BBS9: variants seen among roughly 807,000 people sequenced by gnomAD.
BBS9 encodes Bardet-Biedl syndrome 9.
In BBS9, 89 loss-of-function variants were observed where a neutral mutation model predicts 117.7. That is an observed-to-expected ratio of 0.76 (90% confidence interval 0.64 to 0.90). The LOEUF (loss-of-function observed/expected upper bound fraction) is 0.90, where lower values mean the gene tolerates loss of function less well. Ranked by LOEUF, BBS9 falls within the 40% of genes least tolerant of loss-of-function variation. The pLI, the probability that BBS9 is intolerant of heterozygous loss-of-function variation, is 0.00. For synonymous variants in BBS9, 379 were observed against 370.9 expected (o/e 1.02, Z -0.25); for missense variants, 982 against 1,042.2 (o/e 0.94, Z 0.80).
intron 19 of BBS9, among the ~76,000 whole-genome samples, chr7:33,416,222 C>T (rs7805192): frequency 0.61 from 91,852 of 150,680 alleles, 28,291 homozygotes; most frequent in African/African-American, 0.69. Flanking sequence ...AATCAGTAGC[C>T]CTGGCCATAC....
chr7:33,218,807 G>C (rs1039873621), intron 5 of BBS9, among the ~76,000 whole-genome samples: 1 of 152,274 alleles, frequency 6.6e-6, no homozygotes, highest in Non-Finnish European at 1.5e-5. Context: ...AGGTGACAGC[G>C]TGCTGGCAGC....
In BBS9 at chr7:33,302,493, A is replaced by G. The variant is rs151329310; in HGVS notation, c.1016+28537A>G. ...AGGGGTCTAGTTTCATTTTTTGCAT[A>G]CGGATATCTAGGTTTCTCAGCATTA... is the stretch of plus-strand genomic sequence containing the variant. On this transcript the variant is annotated intron_variant, in intron 9 of 22. Coordinates refer to ENST00000242067, the MANE Select transcript of BBS9 (RefSeq NM_198428.3). 8.5e-5 allele frequency among the ~76,000 whole-genome samples: 13 copies of G among 152,072 alleles called. No individual in the cohort carries two copies. The East Asian group carries it at 2.3e-3, about 27-fold the overall frequency.
In BBS9 at chr7:33,306,915, T is replaced by A. The variant is rs145703979; in HGVS notation, c.1017-29526T>A. ...AGAATAAAATATCTTGGCAAATAAT[T>A]GAAGTAACACATTCTATAAGCAATC... On this transcript the variant is annotated intron_variant, in intron 9 of 22. Transcript: ENST00000242067. 2.0e-3 allele frequency among the ~76,000 whole-genome samples: 310 copies of A among 152,256 alleles called. 1 individual carries two copies. The highest frequency in any genetic ancestry group is 6.6e-3 in the African/African-American group (275 of 41,574).
At chr7:33,619,923 T>G (rs1321248343) in intron 21 of BBS9, among the ~76,000 whole-genome samples, 1 of 152,004 alleles carries the variant, frequency 6.6e-6, no homozygotes, top group African/African-American at 2.4e-5. Flanking sequence ...ATAAATAACC[T>G]AGTGTTACAC....
chr7:33,358,095 T>G, intron 16 of BBS9, 100 bp downstream of exon 16: 1 of 1,457,496 alleles, frequency 6.9e-7, no homozygotes, highest in Non-Finnish European at 9.5e-7. Flanking sequence ...TATCAGATAA[T>G]TGTTAAGTAA....
At chr7:33,396,500 T>C (rs1827999777) in intron 19 of BBS9, among the ~76,000 whole-genome samples, 1 of 152,150 alleles carries the variant, frequency 6.6e-6, no homozygotes, top group South Asian at 2.1e-4. Context: ...ACTTTACATT[T>C]TTATGCAATT....
At chr7:33,582,632 T>C (rs1860169896) in intron 21 of BBS9, among the ~76,000 whole-genome samples, 1 of 152,128 alleles carries the variant, frequency 6.6e-6, no homozygotes, top group Non-Finnish European at 1.5e-5. Context: ...GTTCTATTTC[T>C]ACTCACTTGA....
chr7:33,287,361 A>C (rs1487570226), intron 9 of BBS9, among the ~76,000 whole-genome samples: 1 of 152,194 alleles, frequency 6.6e-6, no homozygotes, highest in African/African-American at 2.4e-5. Context: ...TTAAGAAAAA[A>C]GATTTAGGAG....
chr7:33,237,983 T>A (rs766240882), intron 5 of BBS9, among the ~76,000 whole-genome samples: 2 of 152,184 alleles, frequency 1.3e-5, no homozygotes, highest in Non-Finnish European at 2.9e-5. Context: ...TCCCTCATCC[T>A]CAAGAATAGA....
intron 15 of BBS9, among the ~76,000 whole-genome samples, chr7:33,354,278 C>A (rs1819232897): frequency 6.6e-6 from 1 of 152,144 alleles, no homozygotes; most frequent in Non-Finnish European, 1.5e-5. Flanking sequence ...CACAAGGCTT[C>A]ATATTTCAAA....
At chr7:33,153,157 A>ATTT (rs1793613868) in intron 3 of BBS9, among the ~76,000 whole-genome samples, 2 of 152,220 alleles carry the variant, frequency 1.3e-5, no homozygotes, top group Non-Finnish European at 2.9e-5. Context: ...CTACTTATTT[A>ATTT]AAGTTATATA....
At chr7:33,501,816 A>G (rs1845488269) in intron 19 of BBS9, among the ~76,000 whole-genome samples, 1 of 152,224 alleles carries the variant, frequency 6.6e-6, no homozygotes, top group African/African-American at 2.4e-5. Flanking sequence ...AGTTAAGTGA[A>G]TGCTTTCACT....
At chr7:33,477,614 C>T (rs899673543) in intron 19 of BBS9, among the ~76,000 whole-genome samples, 3 of 152,186 alleles carry the variant, frequency 2.0e-5, no homozygotes, top group Admixed American at 6.5e-5. Flanking sequence ...CAAGTACTGG[C>T]TCAGCTAGAA....
intron 9 of BBS9, among the ~76,000 whole-genome samples, chr7:33,311,129 T>C (rs1426304845): frequency 6.6e-6 from 1 of 152,144 alleles, no homozygotes; most frequent in African/African-American, 2.4e-5. Flanking sequence ...CAAAGATCCT[T>C]TCTAAGAAGA....
chr7:33,167,147 C>T (rs924000740), intron 4 of BBS9, among the ~76,000 whole-genome samples: 9 of 152,220 alleles, frequency 5.9e-5, no homozygotes, highest in African/African-American at 2.2e-4. Flanking sequence ...TGAGTCCATG[C>T]TTAATGTTGG....
At chr7:33,291,092 C>G (rs886078544) in intron 9 of BBS9, among the ~76,000 whole-genome samples, 1 of 151,988 alleles carries the variant, frequency 6.6e-6, no homozygotes, top group African/African-American at 2.4e-5. Context: ...TTATTTGTGC[C>G]TGCCTCACAG....
At chr7:33,627,370 C>T (rs1382866771) in intron 21 of BBS9, among the ~76,000 whole-genome samples, 2 of 152,228 alleles carry the variant, frequency 1.3e-5, no homozygotes, top group Non-Finnish European at 2.9e-5. Flanking sequence ...AAGTCTGCTG[C>T]AGGGGCAGAG....
chr7:33,341,397 T>A (rs1816522996), intron 11 of BBS9, among the ~76,000 whole-genome samples: 1 of 152,118 alleles, frequency 6.6e-6, no homozygotes, highest in Non-Finnish European at 1.5e-5. Context: ...TGATTTCTAG[T>A]CTTTAATACA....
At chr7:33,420,204 G>T (rs984948144) in intron 19 of BBS9, among the ~76,000 whole-genome samples, 1 of 152,126 alleles carries the variant, frequency 6.6e-6, no homozygotes, top group Admixed American at 6.6e-5. Flanking sequence ...GCAGATTATT[G>T]AAGTGCTCTG....
Sources: gnomAD v4.1 joint callset for allele counts (sites outside exome capture counted in the v4.1 genomes callset) on GRCh38, gnomAD v4.1.1 for gene constraint, MANE v1.5 for transcripts, NCBI Gene and HGNC (gene_info 2026-07-23, HGNC 2026-07-21) for gene names.